The following PRELID2 variants were observed in gnomAD, a reference collection of about 807,000 sequenced individuals.
The protein encoded by PRELID2 is PRELI domain containing 2.
Under a neutral mutation model 28.4 loss-of-function variants are expected in PRELID2, and 25 were observed. The observed-to-expected ratio is 0.88, with a 90% confidence interval of 0.64 to 1.23. The LOEUF (loss-of-function observed/expected upper bound fraction) is 1.23, where lower values mean the gene tolerates loss of function less well. Ranked by LOEUF, PRELID2 falls within the 50% of genes most tolerant of loss-of-function variation. PRELID2 has a pLI of 0.00. For synonymous variants in PRELID2, 76 were observed against 71.6 expected (o/e 1.06, Z -0.31); for missense variants, 201 against 214.4 (o/e 0.94, Z 0.39).
At chr5:145,445,200 A>G in the PRELID2 span, among the ~76,000 whole-genome samples, 1 of 152,136 alleles carries the variant, frequency 6.6e-6, no homozygotes. Context: ...CTAATGGAAC[A>G]AAATAGAGAA....
chr5:145,333,758 C>A, the PRELID2 span, among the ~76,000 whole-genome samples: 19 of 151,130 alleles, frequency 1.3e-4, no homozygotes, highest in South Asian at 4.0e-3. Context: ...TGGCTTCAGC[C>A]CCCTTTTAAG....
intron 1 of PRELID2, among the ~76,000 whole-genome samples, chr5:145,494,986 A>C (rs1301760922): frequency 6.6e-6 from 1 of 152,186 alleles, no homozygotes; most frequent in Non-Finnish European, 1.5e-5. Flanking sequence ...GCAGTAGAAA[A>C]AGATGTGATG....
At position 145,573,570 on chromosome 5, in the gene PRELID2, A is replaced by G. The variant is rs183933549; in HGVS notation, n.71-100255T>C. Among the ~76,000 whole-genome samples the G allele has an allele frequency of 4.0e-5, 6 of 151,484 alleles. No homozygotes were observed. In the East Asian group the frequency reaches 7.8e-4, roughly 20 times the overall value. ...TGTGTCCATGTGTTCTCATTGTTCA[A>G]CTCCCAATTATGAGTGAGAACATGC... is the stretch of plus-strand genomic sequence containing the variant. On this transcript the variant is annotated intron_variant and non_coding_transcript_variant, in intron 1 of 2. Coordinates refer to the PRELID2 transcript ENST00000510259.
chr5:145,374,623 A>G, the PRELID2 span, among the ~76,000 whole-genome samples: 1 of 151,952 alleles, frequency 6.6e-6, no homozygotes, highest in Non-Finnish European at 1.5e-5. Context: ...ACTCCAGTCA[A>G]TCACAGCTTT....
At chr5:145,244,353 C>T in the PRELID2 span, among the ~76,000 whole-genome samples, 1 of 152,066 alleles carries the variant, frequency 6.6e-6, no homozygotes, top group African/African-American at 2.4e-5. Context: ...ACCACTTGTA[C>T]TCCCTGTCTG....
intron 1 of PRELID2, among the ~76,000 whole-genome samples, chr5:145,676,733 G>A (rs1358126308): frequency 6.6e-6 from 1 of 152,102 alleles, no homozygotes; most frequent in African/African-American, 2.4e-5. Flanking sequence ...GAAATAATGT[G>A]GAAAACAAAT....
chr5:145,817,482 T>TAA (rs1173491377), intron 4 of PRELID2, among the ~76,000 whole-genome samples: 2 of 127,198 alleles, frequency 1.6e-5, no homozygotes, highest in Admixed American at 1.7e-4. Context: ...TTCCATTAAG[T>TAA]AAAAAAAAAA....
intron 5 of PRELID2, among the ~76,000 whole-genome samples, chr5:145,788,000 C>A (rs2149804886): frequency 6.6e-6 from 1 of 152,278 alleles, no homozygotes; most frequent in East Asian, 1.9e-4. Flanking sequence ...TTGAGAAACA[C>A]TGACCTAAGG....
At chr5:145,292,083 C>A in the PRELID2 span, among the ~76,000 whole-genome samples, 3 of 152,100 alleles carry the variant, frequency 2.0e-5, no homozygotes, top group Admixed American at 2.0e-4. Flanking sequence ...TCAATAAAAA[C>A]CACTTCAATT....
At chr5:145,456,736 A>G in the PRELID2 span, among the ~76,000 whole-genome samples, 6 of 152,242 alleles carry the variant, frequency 3.9e-5, no homozygotes, top group Non-Finnish European at 8.8e-5. Context: ...AATAGGAATC[A>G]TAATTTCAAA....
the PRELID2 span, among the ~76,000 whole-genome samples, chr5:145,305,313 C>T: frequency 1.3e-3 from 200 of 152,230 alleles, no homozygotes; most frequent in Non-Finnish European, 2.2e-3. Flanking sequence ...AACAGGGATT[C>T]AGAAATCAGT....
the PRELID2 span, among the ~76,000 whole-genome samples, chr5:145,343,463 TAAAAC>T: frequency 8.7e-3 from 1,307 of 150,888 alleles, 5 homozygotes; most frequent in Non-Finnish European, 0.014. Context: ...AAAAGTTTAT[TAAAAC>T]AAATGAAAAA....
At chr5:145,676,987 G>C (rs62392300) in intron 1 of PRELID2, among the ~76,000 whole-genome samples, 9,367 of 152,030 alleles carry the variant, frequency 0.062, 719 homozygotes, top group African/African-American at 0.18. Flanking sequence ...ATTTTCATTA[G>C]AAGTCAAACT....
intron 1 of PRELID2, among the ~76,000 whole-genome samples, chr5:145,608,034 A>C (rs1580999055): frequency 7.1e-6 from 1 of 140,560 alleles, no homozygotes; most frequent in Non-Finnish European, 1.5e-5. Context: ...TGTTGATTTA[A>C]AGCCCGTTTT....
the PRELID2 span, among the ~76,000 whole-genome samples, chr5:145,370,379 G>T: frequency 6.6e-6 from 1 of 151,910 alleles, no homozygotes; most frequent in Non-Finnish European, 1.5e-5. Flanking sequence ...TTGAATAGGA[G>T]ATCCTTTCCC....
the PRELID2 span, among the ~76,000 whole-genome samples, chr5:145,253,456 G>A: frequency 5.3e-5 from 8 of 152,074 alleles, no homozygotes; most frequent in Non-Finnish European, 8.8e-5. Context: ...CATAGTAATC[G>A]TAAAAAGCAA....
chr5:145,725,120 A>G (rs933184830), intron 1 of PRELID2, among the ~76,000 whole-genome samples: 3 of 151,890 alleles, frequency 2.0e-5, no homozygotes, highest in African/African-American at 7.3e-5. Context: ...TCTAAAATTC[A>G]TAAGTTATTG....
chr5:145,824,319 G>A (rs1243268873), intron 1 of PRELID2, among the ~76,000 whole-genome samples: 6 of 152,076 alleles, frequency 3.9e-5, no homozygotes, highest in African/African-American at 1.4e-4. Context: ...CAGGCTGAGG[G>A]GAGAAAGAAG....
the PRELID2 span, among the ~76,000 whole-genome samples, chr5:145,251,498 G>C: frequency 1.3e-5 from 2 of 152,046 alleles, no homozygotes; most frequent in Non-Finnish European, 2.9e-5. Context: ...ATAATTTGCA[G>C]GCACTACAAA....
Sources: allele counts gnomAD v4.1 joint callset (sites outside exome capture counted in the v4.1 genomes callset), GRCh38; gene constraint gnomAD v4.1.1; transcripts MANE v1.5; gene names NCBI Gene and HGNC (gene_info 2026-07-23, HGNC 2026-07-21).